Variants in DCC observed in about 807,000 individuals in gnomAD.
DCC encodes DCC netrin 1 receptor, also known as netrin receptor DCC.
A neutral mutation model predicts 172.5 loss-of-function variants in DCC; 58 were observed. That is an observed-to-expected ratio of 0.34 (90% confidence interval 0.27 to 0.42). The LOEUF is 0.42. Ranked by LOEUF, DCC falls within the 10% of genes least tolerant of loss-of-function variation. The probability of loss-of-function intolerance (pLI) is 1.00; values close to 1 mark genes in which losing one functional copy is unlikely to be tolerated. For missense variants in DCC, 1,740 were observed against 1,791.0 expected, an observed-to-expected ratio of 0.97 and a Z score of 0.51; for synonymous variants, 709 against 644.5, an observed-to-expected ratio of 1.10 and a Z score of -1.52.
rs1344579967 is a variant in DCC, at chr18:52,390,015, G to A, written c.91+49137G>A. Among the ~76,000 whole-genome samples the A allele has an allele frequency of 2.6e-5, 4 of 151,946 alleles. No individual in the cohort carries two copies. The East Asian group carries it at 7.8e-4, about 29-fold the overall frequency. On this transcript the variant is annotated intron_variant, in intron 1 of 28. Coordinates refer to ENST00000442544, the MANE Select transcript of DCC (RefSeq NM_005215.4). The stretch of plus-strand genomic sequence containing the variant: ...CTGAGACTTACATTACAATATGCCA[G>A]AAGTTATAGCACTAGTGCAGGGCAA...
rs146009069 is a variant in DCC at position 53,057,207 on chromosome 18, T to A, written c.986-6098T>A. 3.2e-3 allele frequency among the ~76,000 whole-genome samples: 483 copies of A among 152,040 alleles called. 1 individual carries two copies. The highest frequency in any genetic ancestry group is 0.01 in the African/African-American group (423 of 41,482). On this transcript the variant is annotated intron_variant, in intron 5 of 28. Coordinates refer to ENST00000442544, the MANE Select transcript of DCC (RefSeq NM_005215.4). ...TTAAGCTGTTGATGATGACTTTGTTTGGAGCTCAAATCACAGAAGAAATTT... is the reference window on the plus strand; with the variant it reads ...TTAAGCTGTTGATGATGACTTTGTTAGGAGCTCAAATCACAGAAGAAATTT...
chr18:52,779,843 A>G (rs1599102145), intron 2 of DCC, among the ~76,000 whole-genome samples: 1 of 152,168 alleles, frequency 6.6e-6, no homozygotes, highest in African/African-American at 2.4e-5. Context: ...AATAATTGCC[A>G]TTCTAACTGG....
intron 1 of DCC, among the ~76,000 whole-genome samples, chr18:52,573,664 T>C (rs2033350397): frequency 6.6e-6 from 1 of 152,220 alleles, no homozygotes; most frequent in African/African-American, 2.4e-5. Flanking sequence ...ATTTCACTGG[T>C]TGACCTAGCC....
intron 1 of DCC, among the ~76,000 whole-genome samples, chr18:52,613,731 T>G (rs2034319894): frequency 6.6e-6 from 1 of 152,210 alleles, no homozygotes; most frequent in Non-Finnish European, 1.5e-5. Flanking sequence ...CTCTTCCGCA[T>G]AGGAACCATG....
intron 1 of DCC, among the ~76,000 whole-genome samples, chr18:52,653,210 G>T (rs2035176618): frequency 6.6e-6 from 1 of 152,042 alleles, no homozygotes; most frequent in African/African-American, 2.4e-5. Flanking sequence ...TGGCATGAAA[G>T]GTAAAATTAT....
chr18:52,850,582 C>A (rs2145338516), intron 2 of DCC, among the ~76,000 whole-genome samples: 1 of 151,450 alleles, frequency 6.6e-6, no homozygotes, highest in African/African-American at 2.4e-5. Flanking sequence ...CATTGTGTAG[C>A]ATCTTGAAAA....
At chr18:52,404,818 C>A (rs1171554362) in intron 1 of DCC, among the ~76,000 whole-genome samples, 66 of 127,804 alleles carry the variant, frequency 5.2e-4, no homozygotes, top group Non-Finnish European at 6.5e-4. Context: ...CCCCCTCCCC[C>A]CACCCGACAA....
intron 3 of DCC, among the ~76,000 whole-genome samples, chr18:52,914,685 A>T (rs2040016083): frequency 6.6e-6 from 1 of 152,006 alleles, no homozygotes; most frequent in African/African-American, 2.4e-5. Flanking sequence ...GGAATTTTTC[A>T]CTCAGAGCAC....
At chr18:53,454,168 T>A (rs1393073169) in intron 23 of DCC, among the ~76,000 whole-genome samples, 1 of 152,154 alleles carries the variant, frequency 6.6e-6, no homozygotes, top group Non-Finnish European at 1.5e-5. Context: ...GGCCACATAG[T>A]GAGACCTTAT....
chr18:52,927,608 T>A (rs2040239151), intron 5 of DCC, among the ~76,000 whole-genome samples: 1 of 152,020 alleles, frequency 6.6e-6, no homozygotes, highest in South Asian at 2.1e-4. Flanking sequence ...CTAGTGAACC[T>A]TGACTAGTGT....
intron 1 of DCC, among the ~76,000 whole-genome samples, chr18:52,646,516 C>T (rs1373735280): frequency 1.3e-5 from 2 of 152,172 alleles, no homozygotes; most frequent in African/African-American, 2.4e-5. Flanking sequence ...TAAGTCCAGG[C>T]CCCCTGTACT....
chr18:52,945,356 T>C (rs540586828), intron 5 of DCC, among the ~76,000 whole-genome samples: 35 of 152,318 alleles, frequency 2.3e-4, no homozygotes, highest in African/African-American at 7.2e-4. Context: ...AGTGAAAATA[T>C]ATGAACACAG....
rs2046069381 is a variant in DCC, at chr18:53,499,470, A to G, written c.4071A>G (p.Ile1357Met). Reference protein sequence around the residue: ...NPLLPPPMSAIEPKVPYTPLL... With the variant: ...NPLLPPPMSAMEPKVPYTPLL... ...TGCTACCTCCACCAATGAGTGCAAT[A>G]GAACCGAAAGTCCCTTACACACCAC... Residue 1357 changes from isoleucine (I) to methionine (M), a missense_variant, in exon 27 of 29, where the codon ATA becomes ATG. Physicochemically the swap from Ile to Met is conservative, Grantham distance 10. Coordinates refer to ENST00000442544, the MANE Select transcript of DCC (RefSeq NM_005215.4). 1 of 1,614,198 alleles carries G rather than the reference A, an allele frequency of 6.2e-7. No individual in the cohort carries two copies. The highest frequency in any genetic ancestry group is 8.5e-7 in the Non-Finnish European group (1 of 1,180,000).
chr18:52,662,117 T>G lies in DCC; in HGVS notation c.92-89937T>G, dbSNP rs528166416. On this transcript the variant is annotated intron_variant, in intron 1 of 28. Coordinates refer to ENST00000442544, the MANE Select transcript of DCC (RefSeq NM_005215.4). ...TAAATTTCCTTGCATCAGAATCAGC[T>G]GGCGGGCTTGTTAACATTCAGATTG... Among the ~76,000 whole-genome samples, 15 of 152,332 alleles carry G rather than the reference T, an allele frequency of 9.8e-5. No individual in the cohort carries two copies. In the South Asian group the frequency reaches 3.1e-3, roughly 32 times the overall value.
At chr18:53,156,163 A>G (rs1234959294) in intron 7 of DCC, among the ~76,000 whole-genome samples, 5 of 152,102 alleles carry the variant, frequency 3.3e-5, no homozygotes, top group African/African-American at 1.2e-4. Flanking sequence ...TATGAAACAT[A>G]TTTTAACTGT....
chr18:53,437,171 C>G (rs1317007153), intron 22 of DCC, among the ~76,000 whole-genome samples: 2 of 152,148 alleles, frequency 1.3e-5, no homozygotes, highest in Non-Finnish European at 2.9e-5. Flanking sequence ...TCTTAGACTC[C>G]TCATTTTCCT....
chr18:53,059,785 C>T (rs1364471852), intron 5 of DCC, among the ~76,000 whole-genome samples: 1 of 151,946 alleles, frequency 6.6e-6, no homozygotes, highest in East Asian at 1.9e-4. Flanking sequence ...CATCTTCTAC[C>T]AATATTGCCA....
intron 3 of DCC, among the ~76,000 whole-genome samples, chr18:52,908,023 G>A (rs1040354115): frequency 1.3e-5 from 2 of 152,056 alleles, no homozygotes; most frequent in African/African-American, 4.8e-5. Flanking sequence ...AGCCGAACTT[G>A]TAAGACTGAC....
chr18:53,418,468 A>G (rs954267982), intron 21 of DCC, among the ~76,000 whole-genome samples: 1 of 152,106 alleles, frequency 6.6e-6, no homozygotes, highest in African/African-American at 2.4e-5. Flanking sequence ...TACCATTCCC[A>G]CTGTTAGACC....
Sources: allele counts gnomAD v4.1 joint callset (sites outside exome capture counted in the v4.1 genomes callset), GRCh38; gene constraint gnomAD v4.1.1; transcripts MANE v1.5; gene names NCBI Gene and HGNC (gene_info 2026-07-23, HGNC 2026-07-21).